SPAG16: variants seen among roughly 807,000 people sequenced by gnomAD.
SPAG16 encodes the protein sperm associated antigen 16, also known as sperm-associated antigen 16 protein.
SPAG16 carries 86 observed loss-of-function variants against 80.4 expected under a neutral mutation model. The ratio of observed to expected loss-of-function variants is 1.07; its 90% CI spans 0.90 to 1.28. The LOEUF is 1.28. Among genes scored for constraint, SPAG16 ranks in the 50% most tolerant of loss-of-function variants. The probability of loss-of-function intolerance (pLI) is 0.00; values close to 1 mark genes in which losing one functional copy is unlikely to be tolerated. For missense variants in SPAG16, 870 were observed against 765.3 expected (o/e 1.14, Z -1.61); for synonymous variants, 294 against 265.9 (o/e 1.11, Z -1.03).
chr2:214,148,877 A>G (rs1405103061), intron 14 of SPAG16, among the ~76,000 whole-genome samples: 2 of 151,934 alleles, frequency 1.3e-5, no homozygotes, highest in Non-Finnish European at 2.9e-5. Context: ...CCAAAAATTT[A>G]GTGTAGGATT....
At chr2:213,467,610 A>G (rs2072773041) in intron 9 of SPAG16, among the ~76,000 whole-genome samples, 1 of 152,230 alleles carries the variant, frequency 6.6e-6, no homozygotes, top group Non-Finnish European at 1.5e-5. Context: ...CTGGTATCCA[A>G]GAGGAGGTTC....
intron 15 of SPAG16, among the ~76,000 whole-genome samples, chr2:214,330,202 G>A (rs1038901848): frequency 1.3e-5 from 2 of 151,488 alleles, no homozygotes; most frequent in Non-Finnish European, 2.9e-5. Flanking sequence ...GCTTGAACCC[G>A]GGAGGTGGAG....
intron 15 of SPAG16, among the ~76,000 whole-genome samples, chr2:214,379,915 C>A (rs1003331017): frequency 3.3e-5 from 5 of 152,176 alleles, no homozygotes; most frequent in Admixed American, 2.6e-4. Flanking sequence ...CACCCCAACT[C>A]GTGTATATAG....
At chr2:213,403,799 T>C (rs1484177726) in intron 9 of SPAG16, among the ~76,000 whole-genome samples, 2 of 152,200 alleles carry the variant, frequency 1.3e-5, no homozygotes, top group Non-Finnish European at 2.9e-5. Flanking sequence ...ATTGTATATC[T>C]AGAAAACCTC....
At chr2:214,106,584 T>C (rs767937280) in intron 13 of SPAG16, among the ~76,000 whole-genome samples, 1 of 152,132 alleles carries the variant, frequency 6.6e-6, no homozygotes, top group Non-Finnish European at 1.5e-5. Context: ...AAGTAGAGAT[T>C]AGTTTAGTTA....
intron 11 of SPAG16, among the ~76,000 whole-genome samples, chr2:213,876,324 GAAGAA>G (rs2076141386): frequency 9.3e-5 from 13 of 139,470 alleles, no homozygotes; most frequent in Non-Finnish European, 1.6e-4. Context: ...AAAAAAAGAA[GAAGAA>G]AAGAAAAGAA....
chr2:213,945,336 G>GTA (rs1478885759), intron 12 of SPAG16, among the ~76,000 whole-genome samples: 105 of 147,566 alleles, frequency 7.1e-4, no homozygotes, highest in African/African-American at 1.1e-3. Context: ...TGTATATATA[G>GTA]TATATATATA....
chr2:214,190,672 G>A (rs2057633329), intron 15 of SPAG16, among the ~76,000 whole-genome samples: 1 of 152,040 alleles, frequency 6.6e-6, no homozygotes, highest in Non-Finnish European at 1.5e-5. Context: ...CTTAGGTTTA[G>A]ATGCCATTAT....
At position 213,380,502 on chromosome 2, in the gene SPAG16, C is replaced by G. The variant is rs111543733; in HGVS notation, c.942+5383C>G. On this transcript the variant is annotated intron_variant, in intron 9 of 15. Coordinates refer to ENST00000331683, the MANE Select transcript of SPAG16 (RefSeq NM_024532.5). ...TTGTGCCTTCGGGACCTGCTTGAGC[C>G]CGATCACACATACACCACTTTCATA... is the stretch of plus-strand genomic sequence containing the variant. 5.4e-3 allele frequency among the ~76,000 whole-genome samples: 818 copies of G among 152,248 alleles called. 1 individual carries two copies. The highest frequency in any genetic ancestry group is 9.4e-3 in the Non-Finnish European group (642 of 68,006).
At position 213,430,373 on chromosome 2, in the gene SPAG16, C is replaced by T. The variant is rs1200485636; in HGVS notation, c.942+55254C>T. 3.3e-5 allele frequency among the ~76,000 whole-genome samples: 5 copies of T among 152,200 alleles called. No individual in the cohort carries two copies. In the East Asian group the frequency reaches 9.6e-4, roughly 29 times the overall value. ...TTCTCAGGTTAGCAAGCTTTTCTAACCTGTGGCCCATGGGCTGCATGCGGC... is the reference window on the plus strand; with the variant it reads ...TTCTCAGGTTAGCAAGCTTTTCTAATCTGTGGCCCATGGGCTGCATGCGGC... On this transcript the variant is annotated intron_variant, in intron 9 of 15. Coordinates refer to ENST00000331683, the MANE Select transcript of SPAG16 (RefSeq NM_024532.5).
In SPAG16 at chr2:214,290,926, T is replaced by C. The variant is rs140036817; in HGVS notation, c.1721-119214T>C. Among the ~76,000 whole-genome samples the C allele has an allele frequency of 4.6e-3, 704 of 152,314 alleles. 4 individuals are homozygous for C. The highest frequency in any genetic ancestry group is 0.016 in the African/African-American group (669 of 41,558). On this transcript the variant is annotated intron_variant, in intron 15 of 15. Transcript: ENST00000331683. ...CAAAAATAAAGTTTAAATCTACTGT[T>C]TCTATTAAAAGTGCAATTTAAATCT...
rs536315558 is a variant in SPAG16, at chr2:213,789,175, T to C, written c.1071-73310T>C. Among the ~76,000 whole-genome samples the C allele has an allele frequency of 3.9e-5, 6 of 152,094 alleles. 1 individual carries two copies. In the South Asian group the frequency reaches 6.2e-4, roughly 16 times the overall value. ...ATAGATTAAAAATCCTTTCAATAAG[T>C]GTACTCATTTATTTAATTACTTTGA... On this transcript the variant is annotated intron_variant, in intron 10 of 15. Coordinates refer to ENST00000331683, the MANE Select transcript of SPAG16 (RefSeq NM_024532.5).
intron 10 of SPAG16, among the ~76,000 whole-genome samples, chr2:213,574,244 T>C (rs2060034359): frequency 6.6e-6 from 1 of 152,188 alleles, no homozygotes; most frequent in Non-Finnish European, 1.5e-5. Context: ...TGGGACTATA[T>C]ACAATCAAAT....
chr2:214,149,190 C>T lies in SPAG16; in HGVS notation c.1644C>T (p.Asp548=), dbSNP rs1043205813. The T allele has an allele frequency of 6.3e-7, 1 of 1,596,666 alleles. No individual in the cohort carries two copies. The highest frequency in any genetic ancestry group is 8.5e-7 in the Non-Finnish European group (1 of 1,171,306). ...CDACGVTKLW[D]FRKLLPIVSI... is the part of the protein sequence containing the mutation. The stretch of plus-strand genomic sequence containing the variant: ...CCTGTGGGGTTACAAAGCTGTGGGA[C>T]TTTCGGAAGCTGTTACCAATTGTGT... Residue 548 remains aspartate, a synonymous_variant, in exon 15 of 16, where the codon GAC becomes GAT. Coordinates refer to ENST00000331683, the MANE Select transcript of SPAG16 (RefSeq NM_024532.5).
intron 11 of SPAG16, among the ~76,000 whole-genome samples, chr2:213,890,810 A>G (rs2076757305): frequency 6.6e-6 from 1 of 151,922 alleles, no homozygotes; most frequent in Non-Finnish European, 1.5e-5. Context: ...TGCTTTGCTC[A>G]TCTATCTTTT....
intron 10 of SPAG16, among the ~76,000 whole-genome samples, chr2:213,524,169 A>T (rs1668824747): frequency 6.6e-6 from 1 of 152,206 alleles, no homozygotes; most frequent in South Asian, 2.1e-4. Context: ...CAAGAACCCA[A>T]GGTAAAGCTC....
At chr2:214,235,666 G>A (rs995290019) in intron 15 of SPAG16, among the ~76,000 whole-genome samples, 58 of 152,098 alleles carry the variant, frequency 3.8e-4, no homozygotes, top group South Asian at 2.1e-4. Flanking sequence ...GTCTGTGGTC[G>A]CCAAGGTTTT....
rs1387751092 is a variant in SPAG16 at position 213,309,513 on chromosome 2, T to C, written c.280-546T>C. Among the ~76,000 whole-genome samples, 3 of 152,088 alleles carry C rather than the reference T, an allele frequency of 2.0e-5. No individual in the cohort carries two copies. The East Asian group carries it at 5.8e-4, about 29-fold the overall frequency. On this transcript the variant is annotated intron_variant, in intron 3 of 15. Coordinates refer to ENST00000331683, the MANE Select transcript of SPAG16 (RefSeq NM_024532.5). ...GCATTCTTTTTTTCTTTTTTTTGAT[T>C]AACATGCTATGTGCTATTGAAAGGG... is the stretch of plus-strand genomic sequence containing the variant.
At chr2:214,102,859 G>A (rs1412957649) in intron 13 of SPAG16, among the ~76,000 whole-genome samples, 2 of 152,060 alleles carry the variant, frequency 1.3e-5, no homozygotes, top group African/African-American at 2.4e-5. Context: ...AGGAAAATTC[G>A]TTTGGAAGAG....
Sources: allele counts gnomAD v4.1 joint callset (sites outside exome capture counted in the v4.1 genomes callset), GRCh38; gene constraint gnomAD v4.1.1; transcripts MANE v1.5; gene names NCBI Gene and HGNC (gene_info 2026-07-23, HGNC 2026-07-21).